The following MAP4K5 variants were observed in gnomAD, a reference collection of about 807,000 sequenced individuals.
MAP4K5 encodes mitogen-activated protein kinase kinase kinase kinase 5.
In MAP4K5, 82 loss-of-function variants were observed where a neutral mutation model predicts 135.6. That is an observed-to-expected ratio of 0.60 (90% CI 0.51 to 0.73). The LOEUF is 0.73. MAP4K5 is among the 30% of genes least tolerant of loss of function. The pLI, the probability that MAP4K5 is intolerant of heterozygous loss-of-function variation, is 0.00. For missense variants in MAP4K5, 907 were observed against 1,010.9 expected, an observed-to-expected ratio of 0.90 and a Z score of 1.39; for synonymous variants, 347 against 335.0, an observed-to-expected ratio of 1.04 and a Z score of -0.39.
chr14:50,528,260 T>C (rs1485662796), intron 2 of MAP4K5, among the ~76,000 whole-genome samples: 2 of 152,164 alleles, frequency 1.3e-5, no homozygotes, highest in African/African-American at 2.4e-5. Context: ...CAATATAAGA[T>C]TGAACTCTCC....
chr14:50,533,753 A>G (rs982474284), upstream of MAP4K5, among the ~76,000 whole-genome samples: 4 of 152,094 alleles, frequency 2.6e-5, no homozygotes, highest in African/African-American at 9.6e-5. Flanking sequence ...TGAGAATTAA[A>G]ATACTCCTTA....
intron 32 of MAP4K5, among the ~76,000 whole-genome samples, chr14:50,421,945 G>A (rs983282823): frequency 4.7e-5 from 7 of 150,024 alleles, no homozygotes; most frequent in African/African-American, 1.7e-4. Flanking sequence ...AGGCTGAAGT[G>A]CAGTGGTGCG....
rs369284904 is a variant in MAP4K5 at position 50,465,199 on chromosome 14, T to C, written c.738-1066A>G. Among the ~76,000 whole-genome samples the C allele has an allele frequency of 4.6e-5, 7 of 152,320 alleles. No homozygotes were observed. In the East Asian group the frequency reaches 1.4e-3, roughly 29 times the overall value. On this transcript the variant is annotated intron_variant, in intron 11 of 32. Transcript: ENST00000682126. ...AGACTACTGAAACATAAAGCAGTGG[T>C]TGAGAACCTGTTTGTGGGGAGGGGC... is the stretch of plus-strand genomic sequence containing the variant.
At chr14:50,434,847 CAAATAACTAT>C (rs1270121184) in intron 27 of MAP4K5, 105 bp downstream of exon 27, 3 of 666,616 alleles carry the variant, frequency 4.5e-6, no homozygotes, top group Non-Finnish European at 7.4e-6. Context: ...TAAACAACTA[CAAATAACTAT>C]AAATGTTCTG....
chr14:50,437,802 G>C, intron 25 of MAP4K5, 92 bp downstream of exon 25: 1 of 858,422 alleles, frequency 1.2e-6, no homozygotes, highest in Non-Finnish European at 1.9e-6. Context: ...TGAAAATTAA[G>C]ACATAGTTTT....
At chr14:50,546,912 C>T (rs532780456) in intron 1 of MAP4K5, among the ~76,000 whole-genome samples, 3 of 151,970 alleles carry the variant, frequency 2.0e-5, no homozygotes, top group Non-Finnish European at 4.4e-5. Context: ...TAGGCATACA[C>T]GTGCCATAGT....
chr14:50,448,749 T>C (rs755390421), intron 15 of MAP4K5, 25 bp downstream of exon 15: 2 of 1,435,448 alleles, frequency 1.4e-6, no homozygotes, highest in South Asian at 1.3e-5. Flanking sequence ...AATGTGAAAA[T>C]AATGCTTTAA....
At chr14:50,477,230 T>C (rs1446741964) in intron 6 of MAP4K5, among the ~76,000 whole-genome samples, 2 of 152,218 alleles carry the variant, frequency 1.3e-5, no homozygotes, top group Non-Finnish European at 2.9e-5. Flanking sequence ...GAATGTCATA[T>C]TCTTTATGTT....
chr14:50,465,740 G>A lies in MAP4K5; in HGVS notation c.737+843C>T, dbSNP rs1029362213. On this transcript the variant is annotated intron_variant, in intron 11 of 32. Coordinates refer to ENST00000682126, the MANE Select transcript of MAP4K5 (RefSeq NM_006575.6). ...CACCACACTTCTTACCCAATCTGCC[G>A]AAGACCTAAGAAAATTATTGAGTTT... 4.6e-5 allele frequency among the ~76,000 whole-genome samples: 7 copies of A among 152,188 alleles called. No homozygotes were observed. The East Asian group carries it at 5.8e-4, about 13-fold the overall frequency.
intron 3 of MAP4K5, among the ~76,000 whole-genome samples, chr14:50,499,495 TA>T (rs1251324820): frequency 6.6e-6 from 1 of 151,928 alleles, no homozygotes. Flanking sequence ...CTGTCTCTAC[TA>T]AAAATACAAA....
At chr14:50,546,998 C>A (rs923324780) in intron 1 of MAP4K5, among the ~76,000 whole-genome samples, 2 of 152,066 alleles carry the variant, frequency 1.3e-5, no homozygotes, top group Admixed American at 6.5e-5. Context: ...GCCCCCCACC[C>A]CCCAACAGGC....
At chr14:50,453,199 G>C (rs551475793) in intron 14 of MAP4K5, among the ~76,000 whole-genome samples, 1 of 150,846 alleles carries the variant, frequency 6.6e-6, no homozygotes, top group Non-Finnish European at 1.5e-5. Flanking sequence ...CCTTCCCTTG[G>C]TGCCAATTCC....
chr14:50,538,285 C>T (rs2038518739), intron 2 of MAP4K5, among the ~76,000 whole-genome samples: 1 of 152,202 alleles, frequency 6.6e-6, no homozygotes, highest in Admixed American at 6.5e-5. Flanking sequence ...GTGAGGCTTT[C>T]CCTGCCACAT....
chr14:50,540,272 A>G (rs953740434), intron 2 of MAP4K5, among the ~76,000 whole-genome samples: 1 of 152,240 alleles, frequency 6.6e-6, no homozygotes, highest in Non-Finnish European at 1.5e-5. Context: ...GGAATGAATA[A>G]AACCATCAGC....
At chr14:50,543,608 T>C (rs993740447) in intron 1 of MAP4K5, among the ~76,000 whole-genome samples, 5 of 152,136 alleles carry the variant, frequency 3.3e-5, no homozygotes, top group African/African-American at 1.2e-4. Flanking sequence ...TTTGATAGGA[T>C]AGAGGAAAGT....
chr14:50,494,256 C>A (rs1368696420), intron 3 of MAP4K5, among the ~76,000 whole-genome samples: 3 of 151,920 alleles, frequency 2.0e-5, no homozygotes, highest in Non-Finnish European at 4.4e-5. Context: ...CAACCTCCGC[C>A]TCCCGGGGTT....
intron 21 of MAP4K5, among the ~76,000 whole-genome samples, chr14:50,441,359 C>T (rs554086600): frequency 6.6e-6 from 1 of 152,236 alleles, no homozygotes; most frequent in Admixed American, 6.5e-5. Flanking sequence ...AGTATTTGGA[C>T]AAGCTGATAC....
At chr14:50,462,830 G>T in intron 12 of MAP4K5, 49 bp from the exon 13 acceptor site, 1 of 1,062,966 alleles carries the variant, frequency 9.4e-7, no homozygotes, top group Non-Finnish European at 1.5e-6. Flanking sequence ...TACATCTATG[G>T]CTTAAAGAAA....
intron 32 of MAP4K5, 145 bp downstream of exon 32, chr14:50,422,976 T>A: frequency 2.0e-6 from 1 of 501,934 alleles, no homozygotes; most frequent in Non-Finnish European, 3.6e-6. Context: ...ATATTACTAA[T>A]TCTCTCAGTA....
Sources: gnomAD v4.1 joint callset for allele counts (sites outside exome capture counted in the v4.1 genomes callset) on GRCh38, gnomAD v4.1.1 for gene constraint, MANE v1.5 for transcripts, NCBI Gene and HGNC (gene_info 2026-07-23, HGNC 2026-07-21) for gene names.